Variants in CADM2 observed in about 807,000 individuals in gnomAD.
The protein encoded by CADM2 is cell adhesion molecule 2.
In CADM2, 12 loss-of-function variants were observed where a neutral mutation model predicts 49.8. The observed-to-expected ratio is 0.24, with a 90% CI of 0.15 to 0.39. The LOEUF (loss-of-function observed/expected upper bound fraction) is 0.39, where lower values mean the gene tolerates loss of function less well. Ranked by LOEUF, CADM2 falls within the 10% of genes least tolerant of loss-of-function variation. The pLI is 1.00. For synonymous variants in CADM2, 214 were observed against 175.4 expected (o/e 1.22, Z -1.74); for missense variants, 378 against 492.3 (o/e 0.77, Z 2.20).
rs149123523 is a variant in CADM2 at position 85,442,200 on chromosome 3, C to T, written c.62-284322C>T. On this transcript the variant is annotated intron_variant, in intron 1 of 9. Transcript: ENST00000383699. ...GTATTATATTTTCCTTGTTCTCTCT[C>T]CAGCCTCACCATTCTAATAGTGATG... 4.1e-3 allele frequency among the ~76,000 whole-genome samples: 619 copies of T among 152,148 alleles called. 2 individuals are homozygous for T. The highest frequency in any genetic ancestry group is 0.01 in the Middle Eastern group (3 of 294).
chr3:86,067,461 T>G lies in CADM2; in HGVS notation c.*678T>G, dbSNP rs561512549. On this transcript the variant is annotated 3_prime_UTR_variant, in exon 10 of 10. Coordinates refer to ENST00000383699, the MANE Select transcript of CADM2 (RefSeq NM_001167675.2). ...CATGACATGGTATTTTCTATAATTA[T>G]AGAGATCTTACTATTAGGATATTGT... 6.5e-6 allele frequency: 1 copy of G among 152,676 alleles called. No homozygotes were observed. Among genetic ancestry groups the G allele is most frequent in the African/African-American group, 2.4e-5 (1 of 41,574 alleles). 9.5% of individuals were successfully genotyped at this position (152,676 alleles called of 1,614,324 possible).
intron 1 of CADM2, among the ~76,000 whole-genome samples, chr3:85,637,632 A>AAAAT (rs1398969721): frequency 0.032 from 4,715 of 145,082 alleles, 259 homozygotes; most frequent in African/African-American, 0.12. Flanking sequence ...AAAATAAAAT[A>AAAAT]AAATAAATAA....
intron 1 of CADM2, among the ~76,000 whole-genome samples, chr3:85,494,165 T>C (rs796140873): frequency 2.0e-5 from 3 of 152,284 alleles, no homozygotes; most frequent in African/African-American, 7.2e-5. Flanking sequence ...GTATTCATTT[T>C]TGTAAAAATT....
At chr3:85,391,486 C>G (rs936032838) in intron 1 of CADM2, among the ~76,000 whole-genome samples, 21 of 152,032 alleles carry the variant, frequency 1.4e-4, no homozygotes, top group Middle Eastern at 3.4e-3. Flanking sequence ...ATAAAGGATA[C>G]ACAAGATGGA....
At chr3:85,752,571 A>G (rs2107865641) in intron 2 of CADM2, among the ~76,000 whole-genome samples, 1 of 152,134 alleles carries the variant, frequency 6.6e-6, no homozygotes, top group East Asian at 1.9e-4. Context: ...TGACTATATG[A>G]AAGGATTAAA....
chr3:85,051,707 C>T (rs1315113391), intron 1 of CADM2, among the ~76,000 whole-genome samples: 1 of 152,174 alleles, frequency 6.6e-6, no homozygotes, highest in Non-Finnish European at 1.5e-5. Flanking sequence ...CACAAATTTC[C>T]ATCTATCTCT....
intron 1 of CADM2, among the ~76,000 whole-genome samples, chr3:85,185,325 A>C (rs2041032984): frequency 7.2e-6 from 1 of 138,548 alleles, no homozygotes; most frequent in Admixed American, 6.7e-5. Context: ...TGGGAAACAA[A>C]AAATGAAAAA....
chr3:85,983,053 C>T (rs1288764930), intron 8 of CADM2, among the ~76,000 whole-genome samples: 2 of 151,686 alleles, frequency 1.3e-5, no homozygotes, highest in Non-Finnish European at 2.9e-5. Flanking sequence ...TCCATTTACA[C>T]TTTTACAACT....
chr3:85,618,955 C>T lies in CADM2; in HGVS notation c.62-107567C>T, dbSNP rs544836597. Reference sequence around the variant, plus strand: ...ACTCAGGAGGCTGAGGCAGGAGAATCGCTTGAACCCGGGAGGCAGAGGTTG... The same window carrying T: ...ACTCAGGAGGCTGAGGCAGGAGAATTGCTTGAACCCGGGAGGCAGAGGTTG... On this transcript the variant is annotated intron_variant, in intron 1 of 9. Transcript: ENST00000383699. 2.6e-5 allele frequency among the ~76,000 whole-genome samples: 4 copies of T among 151,868 alleles called. No homozygotes were observed. In the South Asian group the frequency reaches 8.3e-4, roughly 32 times the overall value.
At chr3:85,014,808 A>G (rs559134155) in intron 1 of CADM2, among the ~76,000 whole-genome samples, 23 of 152,250 alleles carry the variant, frequency 1.5e-4, no homozygotes, top group African/African-American at 5.5e-4. Context: ...ATTACATACC[A>G]TCAATGTTTC....
rs10663610 is a variant in CADM2 at position 86,066,332 on chromosome 3, C to CAAAAAAAAAAAAAAAAAAAAAAAA, written c.1097-330_1097-307dup. 2.3e-4 allele frequency among the ~76,000 whole-genome samples: 7 copies of CAAAAAAAAAAAAAAAAAAAAAAAA among 30,362 alleles called. 2 individuals carry two copies. Among genetic ancestry groups the CAAAAAAAAAAAAAAAAAAAAAAAA allele is most frequent in the African/African-American group, 1.5e-3 (7 of 4,676 alleles). 19.9% of individuals were successfully genotyped at this position (30,362 alleles called of 152,430 possible). On this transcript the variant is annotated intron_variant, in intron 9 of 9. Coordinates refer to ENST00000383699, the MANE Select transcript of CADM2 (RefSeq NM_001167675.2). ...TGGGCGAGAGAGCGAGACTCCGTCTCAAAAAAAAAAAAAAAAAAAAAAAAA... is the reference window on the plus strand; with the variant it reads ...TGGGCGAGAGAGCGAGACTCCGTCTCAAAAAAAAAAAAAAAAAAAAAAAAAAAAAAAAAAAAAAAAAAAAAAAAA...
intron 1 of CADM2, among the ~76,000 whole-genome samples, chr3:85,621,641 G>A (rs2063982372): frequency 6.6e-6 from 1 of 152,126 alleles, no homozygotes; most frequent in Non-Finnish European, 1.5e-5. Context: ...ATTCTGAATG[G>A]AAGCTCATTT....
chr3:85,121,712 C>T (rs1488639564), intron 1 of CADM2, among the ~76,000 whole-genome samples: 1 of 152,114 alleles, frequency 6.6e-6, no homozygotes, highest in African/African-American at 2.4e-5. Flanking sequence ...TACCTATCTT[C>T]ATTCATCAGT....
intron 1 of CADM2, among the ~76,000 whole-genome samples, chr3:85,457,810 G>A (rs549202207): frequency 1.4e-4 from 22 of 152,200 alleles, no homozygotes; most frequent in Admixed American, 3.3e-4. Flanking sequence ...ATGGATAAAT[G>A]TTTCAAAAAG....
intron 2 of CADM2, among the ~76,000 whole-genome samples, chr3:85,776,065 G>A (rs1282599331): frequency 6.6e-6 from 1 of 151,298 alleles, no homozygotes; most frequent in African/African-American, 2.4e-5. Context: ...ATTTCTCTTG[G>A]GGGTTATAAT....
intron 1 of CADM2, among the ~76,000 whole-genome samples, chr3:85,588,977 C>A (rs2063022796): frequency 6.6e-6 from 1 of 151,978 alleles, no homozygotes; most frequent in Non-Finnish European, 1.5e-5. Flanking sequence ...TTGTGTTTCC[C>A]AAATGGCTAT....
At chr3:85,948,892 A>G (rs1254573171) in intron 7 of CADM2, among the ~76,000 whole-genome samples, 1 of 151,472 alleles carries the variant, frequency 6.6e-6, no homozygotes, top group African/African-American at 2.4e-5. Context: ...TTCAAGGAAA[A>G]GAGAAAGGAA....
intron 1 of CADM2, among the ~76,000 whole-genome samples, chr3:85,062,541 T>C (rs1281171955): frequency 6.6e-6 from 1 of 151,912 alleles, no homozygotes; most frequent in Non-Finnish European, 1.5e-5. Context: ...TTCCAATTTT[T>C]TGGTACTAAA....
At position 85,133,307 on chromosome 3, in the gene CADM2, C is replaced by T. The variant is rs139784958; in HGVS notation, c.61+173639C>T. Among the ~76,000 whole-genome samples the T allele has an allele frequency of 4.7e-3, 716 of 152,324 alleles. 4 individuals carry two copies. Among genetic ancestry groups the T allele is most frequent in the African/African-American group, 0.017 (694 of 41,590 alleles). On this transcript the variant is annotated intron_variant, in intron 1 of 9. Coordinates refer to ENST00000383699, the MANE Select transcript of CADM2 (RefSeq NM_001167675.2). ...TCTCTTATCTGGCCCCACTCACATC[C>T]TGCTGATTGGTAGAGCCCAGTGGTC...
Sources: gnomAD v4.1 joint callset for allele counts (sites outside exome capture counted in the v4.1 genomes callset) on GRCh38, gnomAD v4.1.1 for gene constraint, MANE v1.5 for transcripts, NCBI Gene and HGNC (gene_info 2026-07-23, HGNC 2026-07-21) for gene names.